The following ROBO3 variants were observed in gnomAD, a reference collection of about 807,000 sequenced individuals.
ROBO3 encodes roundabout guidance receptor 3, also known as roundabout homolog 3.
In ROBO3, 97 loss-of-function variants were observed where a neutral mutation model predicts 160.5. That is an observed-to-expected ratio of 0.60 (90% CI 0.51 to 0.72). The LOEUF is 0.72. Ranked by LOEUF, ROBO3 falls within the 30% of genes least tolerant of loss-of-function variation. The pLI is 0.00. For synonymous variants in ROBO3, 780 were observed against 746.2 expected (o/e 1.05, Z -0.74); for missense variants, 1,858 against 1,846.5 (o/e 1.01, Z -0.11).
chr11:124,875,500 G>T, intron 14 of ROBO3, 64 bp from the exon 15 acceptor site: 1 of 1,596,272 alleles, frequency 6.3e-7, no homozygotes, highest in South Asian at 1.1e-5. Flanking sequence ...GGGAATGTTG[G>T]GGCAGGAGGG....
At position 124,875,598 on chromosome 11, in the gene ROBO3, C is replaced by T; in HGVS notation, c.2334C>T (p.Ala778=). 1 of 1,611,542 alleles carries T rather than the reference C, an allele frequency of 6.2e-7. No homozygotes were observed. ...GCCCCCCACAGGGAGTGGCGGTGGC[C>T]TTGGGGGGTGATGGCAACAGCAGTA... The part of the protein sequence containing the change: ...PSGPPQGVAV[A]LGGDGNSSIT... The change falls in exon 15 of 28, where the codon GCC becomes GCT. Residue 778 remains alanine (A), a synonymous_variant. Transcript: ENST00000397801.
At chr11:124,870,564 C>G (rs770717123) in intron 5 of ROBO3, 37 bp from the exon 6 acceptor site, 5 of 1,613,028 alleles carry the variant, frequency 3.1e-6, no homozygotes, top group Admixed American at 3.3e-5. Context: ...GGGTCTGTAG[C>G]TGTGGCCAAC....
chr11:124,870,574 C>T, intron 5 of ROBO3, 27 bp from the exon 6 acceptor site: 1 of 1,613,500 alleles, frequency 6.2e-7, no homozygotes, highest in Non-Finnish European at 8.5e-7. Context: ...CTGTGGCCAA[C>T]CCAGCCTGGG....
At position 124,872,868 on chromosome 11, in the gene ROBO3, G is replaced by T. The variant is rs751594631; in HGVS notation, c.1331-16G>T. 2.5e-6 allele frequency: 4 copies of T among 1,576,514 alleles called. No individual in the cohort carries two copies. Among genetic ancestry groups the T allele is most frequent in the African/African-American group, 1.3e-5 (1 of 74,182 alleles). ...TAAGCTCCTCCCCTGAGGTGCACAC[G>T]TTCTTCCTCTCTCAGCCTCTTTGGA... On this transcript the variant is annotated splice_polypyrimidine_tract_variant and intron_variant, in intron 8 of 27. Transcript: ENST00000397801. This position sits in a 1 kb window ranked among gnomAD's most constrained non-coding sequence, Gnocchi z 4.3.
At chr11:124,877,100 G>T (rs767239820) in intron 17 of ROBO3, 61 bp from the exon 18 acceptor site, 1 of 1,578,136 alleles carries the variant, frequency 6.3e-7, no homozygotes, top group Non-Finnish European at 8.7e-7. Context: ...AAGTATAGGG[G>T]TATTTCTGAC....
intron 13 of ROBO3, 42 bp downstream of exon 13, chr11:124,874,951 A>G (rs377426791): frequency 8.8e-6 from 14 of 1,581,988 alleles, no homozygotes; most frequent in Non-Finnish European, 1.2e-5. Context: ...GGGGATGATT[A>G]TGAGGCACAT....
chr11:124,872,683 A>C lies in ROBO3; in HGVS notation c.1330+131A>C. On this transcript the variant is annotated intron_variant, in intron 8 of 27. Coordinates refer to ENST00000397801, the MANE Select transcript of ROBO3 (RefSeq NM_022370.4). The surrounding 1 kb of genome is among the most constrained non-coding windows in gnomAD (Gnocchi z 4.3). Reference sequence around the variant, plus strand: ...GATGTGTTCCTGAGGCATGACCTTGAAGTTTGGAAACCAGCAGCAGAAGCC... The same window carrying C: ...GATGTGTTCCTGAGGCATGACCTTGCAGTTTGGAAACCAGCAGCAGAAGCC... 1 of 1,083,578 alleles carries C rather than the reference A, an allele frequency of 9.2e-7. No homozygotes were observed. The highest frequency in any genetic ancestry group is 1.3e-6 in the Non-Finnish European group (1 of 772,542). The allele number at this position is 1,083,578 out of a possible 1,614,324, so 67.1% of individuals were successfully genotyped here.
Position 124,873,613 on chromosome 11 carries a change from C to A in ROBO3, c.1619-84C>A, listed in dbSNP as rs905141590. On this transcript the variant is annotated intron_variant, in intron 10 of 27. Transcript: ENST00000397801. The surrounding 1 kb of genome is among the most constrained non-coding windows in gnomAD (Gnocchi z 4.5). ...CTGACCATCACCGCAGCTCAGAGCT[C>A]CATAGCTCCCCTGGTAAGGAGACAG... 16 of 1,342,524 alleles carry A rather than the reference C, an allele frequency of 1.2e-5. No individual in the cohort carries two copies. The highest frequency in any genetic ancestry group is 8.2e-5 in the Admixed American group (4 of 48,672). 83.2% of individuals were successfully genotyped at this position (1,342,524 alleles called of 1,614,324 possible).
intron 12 of ROBO3, 106 bp downstream of exon 12, chr11:124,874,342 T>A: frequency 1.9e-6 from 2 of 1,078,896 alleles, no homozygotes; most frequent in Non-Finnish European, 2.6e-6. Flanking sequence ...TCTTTCCTGC[T>A]ATGCCAGGTC....
Position 124,875,285 on chromosome 11 carries a change from G to A in ROBO3, c.2248G>A (p.Glu750Lys). 6.2e-7 allele frequency: 1 copy of A among 1,613,804 alleles called. No homozygotes were observed. Among genetic ancestry groups the A allele is most frequent in the Non-Finnish European group, 8.5e-7 (1 of 1,179,866 alleles). The change falls in exon 14 of 28, where the codon GAG becomes AAG. Residue 750 changes from glutamate to lysine, a missense_variant. Transcript: ENST00000397801. ...GATCAAGGTGCAAGCCCAAGGCCAG[G>A]AGGGGCTGGGGGCTGAAAGCCTCTC... Reference protein sequence around the residue: ...IQIKVQAQGQEGLGAESLSVT... With the variant: ...IQIKVQAQGQKGLGAESLSVT...
At position 124,869,174 on chromosome 11, in the gene ROBO3, T is replaced by G. The variant is rs1293033794; in HGVS notation, c.487+46T>G. 2 of 1,490,954 alleles carry G rather than the reference T, an allele frequency of 1.3e-6. No homozygotes were observed. The highest frequency in any genetic ancestry group is 4.9e-5 in the East Asian group (2 of 40,838). 92.4% of individuals were successfully genotyped at this position (1,490,954 alleles called of 1,614,324 possible). On this transcript the variant is annotated intron_variant, in intron 2 of 27. Coordinates refer to ENST00000397801, the MANE Select transcript of ROBO3 (RefSeq NM_022370.4). This position sits in a 1 kb window ranked among gnomAD's most constrained non-coding sequence, Gnocchi z 4.2. ...AGCTGGTTGCTTCCAGAGCCTGGGG[T>G]AGGCGGGAGGGCACTGGGCAATCAG...
chr11:124,878,425 G>T lies in ROBO3; in HGVS notation c.3309G>T (p.Glu1103Asp), dbSNP rs777255758. The change falls in exon 22 of 28, where the codon GAG (glutamate) becomes GAT (aspartate). Residue 1103 changes from glutamate (E) to aspartate (D), a missense_variant. By Grantham distance (45) the Glu-to-Asp change is conservative. Coordinates refer to ENST00000397801, the MANE Select transcript of ROBO3 (RefSeq NM_022370.4). The surrounding 1 kb of genome is among the most constrained non-coding windows in gnomAD (Gnocchi z 4.3). ...ELSCLEGPEE[E>D]LEGSSEPEEW... Reference sequence around the variant, plus strand: ...GCTGCCTAGAAGGGCCGGAGGAGGAGCTGGAGGGCAGGTAGAGATGCTCCC... The same window carrying T: ...GCTGCCTAGAAGGGCCGGAGGAGGATCTGGAGGGCAGGTAGAGATGCTCCC... 1 of 1,613,474 alleles carries T rather than the reference G, an allele frequency of 6.2e-7. No individual in the cohort carries two copies.
rs181453003 is a variant in ROBO3, at chr11:124,876,004, A to C, written c.2472A>C (p.Ala824=). The C allele has an allele frequency of 1.9e-4, 299 of 1,601,582 alleles. No homozygotes were observed. The African/African-American group carries it at 3.4e-3, about 18-fold the overall frequency. ...ESRFHLNRSA[A]GWARSAMLRG... ...GCTTTCACCTCAATCGATCTGCAGC[A>C]GGCTGGGCACGCTCCGCAATGCTCC... Residue 824 remains alanine, a synonymous_variant, in exon 16 of 28, where the codon GCA becomes GCC. Transcript: ENST00000397801. This position sits in a 1 kb window ranked among gnomAD's most constrained non-coding sequence, Gnocchi z 5.3.
chr11:124,878,377 ACCT>A lies in ROBO3; in HGVS notation c.3268_3270del (p.Pro1090del), dbSNP rs1064796734. On this transcript the variant is annotated inframe_deletion, in exon 22 of 28. Coordinates refer to ENST00000397801, the MANE Select transcript of ROBO3 (RefSeq NM_022370.4). This position sits in a 1 kb window ranked among gnomAD's most constrained non-coding sequence, Gnocchi z 4.3. Reference sequence around the variant, plus strand: ...TGAACTGGCCAGAAGCCCTGCCCCCACCTCCTCCTTCTTGTGAACTGAGCTGCC... The same window carrying A: ...TGAACTGGCCAGAAGCCCTGCCCCCACCTCCTTCTTGTGAACTGAGCTGCC... The A allele has an allele frequency of 6.2e-7, 1 of 1,613,670 alleles. No individual in the cohort carries two copies. Among genetic ancestry groups the A allele is most frequent in the South Asian group, 1.1e-5 (1 of 91,048 alleles).
At position 124,871,023 on chromosome 11, in the gene ROBO3, A is replaced by G. The variant is rs746914503; in HGVS notation, c.1043A>G (p.Gln348Arg). 5.0e-6 allele frequency: 8 copies of G among 1,606,632 alleles called. No homozygotes were observed. The highest frequency in any genetic ancestry group is 6.0e-6 in the Non-Finnish European group (7 of 1,174,106). ...SGSLSVHVPP[Q>R]LVTQPQDQMA... ...CACCTGCCCTTCCCAGTCCCACCCC[A>G]GTTGGTGACCCAGCCCCAGGACCAG... The change falls in exon 7 of 28, where the codon CAG becomes CGG. Residue 348 changes from glutamine to arginine, a missense_variant. Gln to Arg is a conservative substitution (Grantham distance 43). Transcript: ENST00000397801.
In ROBO3 at chr11:124,872,835, C is replaced by A; in HGVS notation, c.1331-49C>A. On this transcript the variant is annotated intron_variant, in intron 8 of 27. Coordinates refer to ENST00000397801, the MANE Select transcript of ROBO3 (RefSeq NM_022370.4). This position sits in a 1 kb window ranked among gnomAD's most constrained non-coding sequence, Gnocchi z 4.3. ...GAGAATGAGGACAAGGGGCTGCCCG[C>A]GGGGCCCTAAGCTCCTCCCCTGAGG... is the stretch of plus-strand genomic sequence containing the variant. 1 of 1,443,498 alleles carries A rather than the reference C, an allele frequency of 6.9e-7. No homozygotes were observed. The highest frequency in any genetic ancestry group is 9.3e-7 in the Non-Finnish European group (1 of 1,079,028). The allele number at this position is 1,443,498 out of a possible 1,614,324, so 89.4% of individuals were successfully genotyped here.
intron 6 of ROBO3, 68 bp from the exon 7 acceptor site, chr11:124,870,946 C>G: frequency 1.3e-6 from 2 of 1,575,172 alleles, no homozygotes. Context: ...CTTCTCTCTC[C>G]TGTTCCTGCA....
intron 26 of ROBO3, 64 bp from the exon 27 acceptor site, chr11:124,880,354 G>T (rs959315995): frequency 2.5e-6 from 4 of 1,592,396 alleles, no homozygotes; most frequent in African/African-American, 1.3e-5. Context: ...AGGGTGGCAG[G>T]GTGGGTGACA....
rs566184926 is a variant in ROBO3 at position 124,872,276 on chromosome 11, T to C, written c.1159-105T>C. The C allele has an allele frequency of 6.4e-5, 68 of 1,069,152 alleles. No individual in the cohort carries two copies. In the South Asian group the frequency reaches 6.4e-4, roughly 10 times the overall value. 66.2% of individuals were successfully genotyped at this position (1,069,152 alleles called of 1,614,324 possible). A position where few individuals can be genotyped will look rare whatever the true frequency, so the allele number is the denominator to read the frequency against. ...TCACTGCTGGAGACAGACGATGAAC[T>C]AGAATCATAGGAATTCTCTGAATTT... On this transcript the variant is annotated intron_variant, in intron 7 of 27. Coordinates refer to ENST00000397801, the MANE Select transcript of ROBO3 (RefSeq NM_022370.4). The surrounding 1 kb of genome is among the most constrained non-coding windows in gnomAD (Gnocchi z 4.3).
Sources: gnomAD v4.1 joint callset for allele counts on GRCh38, gnomAD v4.1.1 for gene constraint, Gnocchi (gnomAD v3.1) non-coding constraint, MANE v1.5 for transcripts, NCBI Gene and HGNC (gene_info 2026-07-23, HGNC 2026-07-21) for gene names.